EHD4: variants seen among roughly 807,000 people sequenced by gnomAD.
EHD4 encodes the protein EH domain-containing protein 4.
A neutral mutation model predicts 51.0 loss-of-function variants in EHD4; 37 were observed. The ratio of observed to expected loss-of-function variants is 0.73; its 90% CI spans 0.56 to 0.95. The LOEUF is 0.95. EHD4 is among the 40% of genes least tolerant of loss of function. The pLI, the probability that EHD4 is intolerant of heterozygous loss-of-function variation, is 0.00. For missense variants in EHD4, 632 were observed against 733.1 expected (o/e 0.86, Z 1.59); for synonymous variants, 297 against 317.3 (o/e 0.94, Z 0.68).
chr15:41,902,305 G>T (rs1398446599), intron 5 of EHD4, among the ~76,000 whole-genome samples: 3 of 149,786 alleles, frequency 2.0e-5, no homozygotes, highest in African/African-American at 7.5e-5. Flanking sequence ...CAACCCACCT[G>T]TCCAACTAAT....
intron 1 of EHD4, among the ~76,000 whole-genome samples, chr15:41,959,135 G>A (rs1048470948): frequency 3.3e-5 from 5 of 152,194 alleles, no homozygotes; most frequent in African/African-American, 9.6e-5. Context: ...GCTCACGCCT[G>A]TAATCCCAGC....
intron 5 of EHD4, 27 bp downstream of exon 5, chr15:41,909,672 C>G: frequency 1.9e-6 from 3 of 1,613,066 alleles, no homozygotes; most frequent in Non-Finnish European, 1.7e-6. Context: ...GCCCTCTGCC[C>G]GTGACATTGT....
At chr15:41,914,790 T>C (rs1160504088) in intron 4 of EHD4, among the ~76,000 whole-genome samples, 2 of 151,156 alleles carry the variant, frequency 1.3e-5, no homozygotes, top group Non-Finnish European at 1.5e-5. Flanking sequence ...GGAGAATTTT[T>C]TTTTTTTTTT....
intron 1 of EHD4, among the ~76,000 whole-genome samples, chr15:41,955,686 G>A (rs79991782): frequency 0.017 from 2,619 of 152,234 alleles, 85 homozygotes; most frequent in African/African-American, 0.059. Flanking sequence ...AGAAATGTTC[G>A]TGTTGATCAA....
intron 2 of EHD4, among the ~76,000 whole-genome samples, chr15:41,944,935 C>A (rs1359236725): frequency 6.6e-6 from 1 of 152,154 alleles, no homozygotes; most frequent in South Asian, 2.1e-4. Context: ...CTACCCAACA[C>A]GGGGAGAGGT....
chr15:41,933,474 C>G (rs1337949864), intron 3 of EHD4, among the ~76,000 whole-genome samples: 1 of 152,164 alleles, frequency 6.6e-6, no homozygotes, highest in Admixed American at 6.5e-5. Context: ...AAATGAAGCT[C>G]AAAGAGGTGA....
At chr15:41,931,348 C>CA (rs1055994761) in intron 3 of EHD4, among the ~76,000 whole-genome samples, 2 of 152,034 alleles carry the variant, frequency 1.3e-5, no homozygotes, top group East Asian at 3.9e-4. Flanking sequence ...CCCATCTCTA[C>CA]AAAAAATGCA....
At chr15:41,949,016 CTATATATATATATATATATATA>C (rs3035677) in intron 2 of EHD4, among the ~76,000 whole-genome samples, 32 of 92,444 alleles carry the variant, frequency 3.5e-4, no homozygotes, top group African/African-American at 1.1e-3. Context: ...CAGAGTGAGA[CTATATATATATATATATATATA>C]TATATATATA....
chr15:41,905,951 C>T (rs542391740), intron 5 of EHD4, among the ~76,000 whole-genome samples: 22 of 152,340 alleles, frequency 1.4e-4, no homozygotes, highest in African/African-American at 5.1e-4. Context: ...GGATTACAGG[C>T]GTAAGCCACT....
chr15:41,949,936 CTG>C (rs1285580769), intron 2 of EHD4, among the ~76,000 whole-genome samples: 2 of 152,178 alleles, frequency 1.3e-5, no homozygotes, highest in Non-Finnish European at 2.9e-5. Context: ...GTCTCCTCCT[CTG>C]TGAGGGGCAA....
intron 1 of EHD4, among the ~76,000 whole-genome samples, chr15:41,956,428 A>G (rs1271375294): frequency 3.3e-5 from 5 of 152,258 alleles, no homozygotes; most frequent in Non-Finnish European, 7.3e-5. Context: ...TGTTGAAGTC[A>G]GACATCACTG....
chr15:41,956,094 G>A (rs1310593570), intron 1 of EHD4, among the ~76,000 whole-genome samples: 2 of 152,222 alleles, frequency 1.3e-5, no homozygotes, highest in Non-Finnish European at 2.9e-5. Flanking sequence ...TGTGAGGTGC[G>A]GGAGTGGGTT....
intron 5 of EHD4, among the ~76,000 whole-genome samples, chr15:41,907,456 G>C (rs1246186626): frequency 6.6e-6 from 1 of 152,198 alleles, no homozygotes; most frequent in East Asian, 1.9e-4. Flanking sequence ...ACCCAATTCA[G>C]CTTGTGAGCA....
Position 41,953,774 on chromosome 15 carries a change from A to G in EHD4, c.403T>C (p.Phe135Leu), listed in dbSNP as rs369664238. ...CTTGCTGGTCCTTACCGATTCAGGA[A>G]AGCGTTTCCAAAGCGACTGAGCTTT... Reference protein sequence around the residue: ...FRKLSRFGNAFLNRFMCSQLP... With the variant: ...FRKLSRFGNALLNRFMCSQLP... The change falls in exon 2 of 6, where the codon TTC becomes CTC. Residue 135 changes from phenylalanine to leucine, a missense_variant. Phe to Leu is a conservative substitution (Grantham distance 22). Transcript: ENST00000220325. 72 of 1,605,938 alleles carry G rather than the reference A, an allele frequency of 4.5e-5. No individual in the cohort carries two copies. Among genetic ancestry groups the G allele is most frequent in the Non-Finnish European group, 3.7e-5 (44 of 1,177,858 alleles).
intron 1 of EHD4, among the ~76,000 whole-genome samples, chr15:41,959,496 T>C (rs890950754): frequency 6.6e-6 from 1 of 151,906 alleles, no homozygotes; most frequent in Non-Finnish European, 1.5e-5. Context: ...TGCATGGAGT[T>C]TGGGGGTTCA....
Position 41,900,940 on chromosome 15 carries a change from A to G in EHD4, c.1331T>C (p.Val444Ala). The stretch of plus-strand genomic sequence containing the variant: ...GTCGTAGACGGGCTTGTCTTTGGCC[A>G]CGACCCACTCCTCCTCGTCGGCGCC... ...KEGADEEEWV[V>A]AKDKPVYDEL... Residue 444 changes from valine (V) to alanine (A), a missense_variant, in exon 6 of 6, where the codon GTG becomes GCG. Transcript: ENST00000220325. The surrounding 1 kb of genome is among the most constrained non-coding windows in gnomAD (Gnocchi z 4.8). 1.2e-6 allele frequency: 2 copies of G among 1,613,904 alleles called. No homozygotes were observed. Among genetic ancestry groups the G allele is most frequent in the Non-Finnish European group, 1.7e-6 (2 of 1,179,854 alleles).
In EHD4 at chr15:41,952,083, G is replaced by A. The variant is rs118089604; in HGVS notation, c.413+1681C>T. Among the ~76,000 whole-genome samples the A allele has an allele frequency of 8.6e-4, 131 of 152,326 alleles. 2 individuals carry two copies. The East Asian group carries it at 0.02, about 24-fold the overall frequency. On this transcript the variant is annotated intron_variant, in intron 2 of 5. Transcript: ENST00000220325. ...CCCCTAATGGAGAATTCAGCTCCCC[G>A]GAGAGTTCCATCTTCCACAGAAGGC...
chr15:41,933,043 C>T (rs1377269847), intron 3 of EHD4, among the ~76,000 whole-genome samples: 2 of 152,184 alleles, frequency 1.3e-5, no homozygotes, highest in Non-Finnish European at 2.9e-5. Flanking sequence ...AAGGAAAATT[C>T]CCTCACTTTA....
intron 3 of EHD4, among the ~76,000 whole-genome samples, chr15:41,940,064 G>A (rs182462740): frequency 3.3e-5 from 5 of 152,032 alleles, no homozygotes; most frequent in East Asian, 1.9e-4. Context: ...AGGGATCCTC[G>A]TGCCTCGGCC....
Sources: gnomAD v4.1 joint callset for allele counts (sites outside exome capture counted in the v4.1 genomes callset) on GRCh38, gnomAD v4.1.1 for gene constraint, Gnocchi (gnomAD v3.1) non-coding constraint, MANE v1.5 for transcripts, NCBI Gene and HGNC (gene_info 2026-07-23, HGNC 2026-07-21) for gene names.